PTPRO: variants seen among roughly 807,000 people sequenced by gnomAD.
The protein encoded by PTPRO is receptor-type tyrosine-protein phosphatase O.
Under a neutral mutation model 145.2 loss-of-function variants are expected in PTPRO, and 62 were observed. The observed-to-expected ratio is 0.43, with a 90% confidence interval of 0.35 to 0.53. PTPRO has a LOEUF of 0.53. PTPRO is among the 20% of genes least tolerant of loss of function. PTPRO has a pLI of 0.01. For missense variants in PTPRO, 1,345 were observed against 1,482.7 expected (o/e 0.91, Z 1.53); for synonymous variants, 565 against 514.7 (o/e 1.10, Z -1.32).
At chr12:15,393,416 A>G (rs151018892) in intron 1 of PTPRO, among the ~76,000 whole-genome samples, 1 of 152,320 alleles carries the variant, frequency 6.6e-6, no homozygotes, top group African/African-American at 2.4e-5. Context: ...AATATTGAAT[A>G]GCACATTCAT....
chr12:15,412,228 C>T (rs1418678849), intron 1 of PTPRO, among the ~76,000 whole-genome samples: 2 of 152,212 alleles, frequency 1.3e-5, no homozygotes, highest in Admixed American at 6.5e-5. Flanking sequence ...CTTTTGAAAA[C>T]CAATTTTTAG....
At chr12:15,546,543 T>A (rs928512379) in intron 12 of PTPRO, 26 bp from the exon 13 acceptor site, 13 of 1,558,140 alleles carry the variant, frequency 8.3e-6, no homozygotes, top group African/African-American at 5.5e-5. Context: ...AAATTAAATT[T>A]TTTTTAAAAC....
intron 19 of PTPRO, among the ~76,000 whole-genome samples, chr12:15,572,263 T>C (rs1375180596): frequency 1.3e-5 from 2 of 152,226 alleles, no homozygotes; most frequent in Non-Finnish European, 2.9e-5. Context: ...GGATTGAAAC[T>C]GCCCAGGCAA....
chr12:15,438,338 A>G (rs538495197), intron 1 of PTPRO, among the ~76,000 whole-genome samples: 29 of 152,184 alleles, frequency 1.9e-4, no homozygotes, highest in Non-Finnish European at 3.8e-4. Flanking sequence ...AGATTGAGCT[A>G]CCTCTCCAGC....
intron 2 of PTPRO, among the ~76,000 whole-genome samples, chr12:15,493,029 A>G (rs1942030651): frequency 2.0e-5 from 3 of 152,244 alleles, no homozygotes; most frequent in South Asian, 4.1e-4. Context: ...ATGCTATATT[A>G]TTGTTATTAT....
At chr12:15,383,539 C>A (rs1425240988) in intron 1 of PTPRO, among the ~76,000 whole-genome samples, 1 of 152,106 alleles carries the variant, frequency 6.6e-6, no homozygotes, top group Non-Finnish European at 1.5e-5. Flanking sequence ...AATATGAGAA[C>A]CAGGGCTTAT....
At chr12:15,385,837 GA>G (rs950587656) in intron 1 of PTPRO, among the ~76,000 whole-genome samples, 1 of 141,344 alleles carries the variant, frequency 7.1e-6, no homozygotes, top group Non-Finnish European at 1.5e-5. Flanking sequence ...AAAAAAAGAA[GA>G]AGAAGAAGGA....
intron 1 of PTPRO, among the ~76,000 whole-genome samples, chr12:15,377,509 G>A (rs1183323859): frequency 1.3e-5 from 2 of 149,270 alleles, no homozygotes; most frequent in Admixed American, 6.6e-5. Flanking sequence ...TAAAAACTGT[G>A]AGAATTAAAG....
At chr12:15,569,598 A>T (rs991386233) in intron 19 of PTPRO, 100 bp downstream of exon 19, 4 of 1,057,874 alleles carry the variant, frequency 3.8e-6, no homozygotes, top group Middle Eastern at 2.0e-4. Context: ...GCAGTGCGTA[A>T]CAAAAAGGGT....
At position 15,497,422 on chromosome 12, in the gene PTPRO, G is replaced by A. The variant is rs138770041; in HGVS notation, c.508+19G>A. ...TATAAAGGTAAGCAGCAAAAGGAAA[G>A]CTGAATCAATGATGACCCTCACTTT... On this transcript the variant is annotated intron_variant, in intron 3 of 26. Transcript: ENST00000281171. The A allele has an allele frequency of 0.024, 38,747 of 1,610,222 alleles. 603 individuals are homozygous for A. The highest frequency in any genetic ancestry group is 0.028 in the Non-Finnish European group (32,812 of 1,177,028).
intron 1 of PTPRO, among the ~76,000 whole-genome samples, chr12:15,446,220 G>A (rs1168843083): frequency 6.6e-6 from 1 of 151,910 alleles, no homozygotes; most frequent in African/African-American, 2.4e-5. Context: ...AAATTATATG[G>A]GTTTTGTGGT....
Position 15,578,732 on chromosome 12 carries a change from C to T in PTPRO, c.2830-121C>T, listed in dbSNP as rs80280309. 346 of 770,094 alleles carry T rather than the reference C, an allele frequency of 4.5e-4. 2 individuals are homozygous for T. In the East Asian group the frequency reaches 8.8e-3, roughly 20 times the overall value. 47.7% of individuals were successfully genotyped at this position (770,094 alleles called of 1,614,324 possible). ...TGATAGTGGGGTGGAGTACCTTCCACCTCTAAAGGGAGCTACTGCAATGTC... is the reference window on the plus strand; with the variant it reads ...TGATAGTGGGGTGGAGTACCTTCCATCTCTAAAGGGAGCTACTGCAATGTC... On this transcript the variant is annotated intron_variant, in intron 19 of 26. Transcript: ENST00000281171.
intron 1 of PTPRO, among the ~76,000 whole-genome samples, chr12:15,409,731 G>A (rs1939743765): frequency 6.6e-6 from 1 of 152,170 alleles, no homozygotes; most frequent in South Asian, 2.1e-4. Flanking sequence ...AGGTGCAAGT[G>A]AGTGCAAGGA....
chr12:15,543,030 A>G (rs1943211012), intron 12 of PTPRO, among the ~76,000 whole-genome samples: 2 of 152,242 alleles, frequency 1.3e-5, no homozygotes, highest in Admixed American at 6.5e-5. Context: ...TCATAATTAT[A>G]ATAACAATAA....
chr12:15,529,378 G>T (rs1194856171), intron 12 of PTPRO, among the ~76,000 whole-genome samples: 1 of 151,796 alleles, frequency 6.6e-6, no homozygotes, highest in East Asian at 1.9e-4. Context: ...TTATGGCCAG[G>T]CATGGTGGCT....
chr12:15,475,363 T>G (rs1941630755), intron 1 of PTPRO, among the ~76,000 whole-genome samples: 1 of 152,214 alleles, frequency 6.6e-6, no homozygotes, highest in Admixed American at 6.5e-5. Context: ...TACATTTTGC[T>G]TAACAGACTT....
At chr12:15,371,515 G>C (rs573103208) in intron 1 of PTPRO, among the ~76,000 whole-genome samples, 4 of 152,282 alleles carry the variant, frequency 2.6e-5, no homozygotes, top group African/African-American at 9.6e-5. Context: ...TTACAGGCAT[G>C]AGCCACCACA....
chr12:15,333,127 G>A (rs1866659925), intron 1 of PTPRO, among the ~76,000 whole-genome samples: 1 of 152,116 alleles, frequency 6.6e-6, no homozygotes, highest in Admixed American at 6.5e-5. Context: ...GTAAGGAGTT[G>A]GGAATGCTAG....
intron 18 of PTPRO, among the ~76,000 whole-genome samples, chr12:15,565,842 AC>A (rs1191136307): frequency 6.6e-6 from 1 of 152,190 alleles, no homozygotes; most frequent in East Asian, 1.9e-4. Context: ...AGAAATAAGG[AC>A]AATGTTTATC....
Sources: gnomAD v4.1 joint callset for allele counts (sites outside exome capture counted in the v4.1 genomes callset) on GRCh38, gnomAD v4.1.1 for gene constraint, MANE v1.5 for transcripts, NCBI Gene and HGNC (gene_info 2026-07-23, HGNC 2026-07-21) for gene names.